Variants in LRIT3 observed in about 807,000 individuals in gnomAD.
LRIT3 encodes leucine rich repeat, Ig-like and transmembrane domains 3.
A neutral mutation model predicts 22.6 loss-of-function variants in LRIT3; 14 were observed. That is an observed-to-expected ratio of 0.62 (90% CI 0.41 to 0.97). The LOEUF (loss-of-function observed/expected upper bound fraction) is 0.97, where lower values mean the gene tolerates loss of function less well. LRIT3 is among the 50% of genes least tolerant of loss of function. LRIT3 has a pLI of 0.00. For missense variants in LRIT3, 783 were observed against 803.0 expected (o/e 0.98, Z 0.30); for synonymous variants, 306 against 304.5 (o/e 1.01, Z -0.05).
Position 109,851,520 on chromosome 4 carries a change from GA to G in LRIT3, c.134del (p.Asp45AlafsTer4). The G allele has an allele frequency of 6.5e-7, 1 of 1,543,830 alleles. No individual in the cohort carries two copies. The highest frequency in any genetic ancestry group is 1.8e-4 in the Middle Eastern group (1 of 5,506). On this transcript the variant is annotated frameshift_variant, in exon 2 of 4. Transcript: ENST00000594814. LOFTEE classifies it high-confidence loss of function. Reference protein sequence around the residue: ...GSGSRLVLCNDMDMNELPTNL... With the variant: ...GSGSRLVLCNXMDMNELPTNL... Reference sequence around the variant, plus strand: ...TGACACTAGGTTGGTGCTATGTAATGACATGGATATGAACGAGCTGCCTACG... The same window carrying G: ...TGACACTAGGTTGGTGCTATGTAATGCATGGATATGAACGAGCTGCCTACG...
At chr4:109,863,641 CT>C (rs2125900030) in intron 2 of LRIT3, among the ~76,000 whole-genome samples, 1 of 152,308 alleles carries the variant, frequency 6.6e-6, no homozygotes, top group East Asian at 1.9e-4. Context: ...GGTAAGCATG[CT>C]TACTACCCAG....
chr4:109,863,858 G>A (rs774465478), intron 2 of LRIT3, among the ~76,000 whole-genome samples: 1 of 152,166 alleles, frequency 6.6e-6, no homozygotes, highest in Non-Finnish European at 1.5e-5. Context: ...AACTGGAATA[G>A]GTTGGTCACC....
chr4:109,855,838 A>T (rs1366053783), intron 2 of LRIT3, among the ~76,000 whole-genome samples: 1 of 152,146 alleles, frequency 6.6e-6, no homozygotes, highest in Non-Finnish European at 1.5e-5. Context: ...GTTTCCATGT[A>T]GTTGAGTGGT....
intron 2 of LRIT3, among the ~76,000 whole-genome samples, chr4:109,856,918 A>T (rs917586816): frequency 3.3e-5 from 5 of 152,166 alleles, no homozygotes; most frequent in African/African-American, 1.2e-4. Context: ...GCCCATTATT[A>T]CTGCAATTAA....
At chr4:109,850,529 T>A (rs1734227597) in intron 1 of LRIT3, among the ~76,000 whole-genome samples, 1 of 150,088 alleles carries the variant, frequency 6.7e-6, no homozygotes, top group South Asian at 2.1e-4. Context: ...CAGGCTGGAG[T>A]GCAGTGGCGT....
chr4:109,854,865 G>A (rs1734362215), intron 2 of LRIT3, among the ~76,000 whole-genome samples: 1 of 152,106 alleles, frequency 6.6e-6, no homozygotes, highest in South Asian at 2.1e-4. Context: ...TTATGTGATG[G>A]ATTACATTTA....
At chr4:109,863,905 T>G (rs2125900077) in intron 2 of LRIT3, among the ~76,000 whole-genome samples, 1 of 152,330 alleles carries the variant, frequency 6.6e-6, no homozygotes, top group East Asian at 1.9e-4. Flanking sequence ...TCTGCAGTTT[T>G]GGAGAAGCAC....
chr4:109,851,828 G>A lies in LRIT3; in HGVS notation c.441G>A (p.Glu147=), dbSNP rs1560589709. The part of the protein sequence containing the change: ...HNNKITSVPN[E]ALRYLKNLAY... ...ACAAAATAACCAGTGTGCCAAATGA[G>A]GCGCTCAGGTATCTGAAGAACCTTG... is the stretch of plus-strand genomic sequence containing the variant. Residue 147 remains glutamate, a synonymous_variant, in exon 2 of 4, where the codon GAG becomes GAA. Coordinates refer to ENST00000594814, the MANE Select transcript of LRIT3 (RefSeq NM_198506.5). 2.6e-6 allele frequency: 4 copies of A among 1,551,694 alleles called. No homozygotes were observed. The highest frequency in any genetic ancestry group is 3.5e-6 in the Non-Finnish European group (4 of 1,146,992).
In LRIT3 at chr4:109,871,695, A is replaced by C. The variant is rs971849927; in HGVS notation, c.*906A>C. ...ATATTGTCTTTTGATTCTCTTGATA[A>C]AGAGAAAGCTTTTGAAATTACTTAC... On this transcript the variant is annotated 3_prime_UTR_variant, in exon 4 of 4. Coordinates refer to ENST00000594814, the MANE Select transcript of LRIT3 (RefSeq NM_198506.5). The C allele has an allele frequency of 6.6e-6, 1 of 152,136 alleles. No individual in the cohort carries two copies. The highest frequency in any genetic ancestry group is 2.4e-5 in the African/African-American group (1 of 41,432). The allele number at this position is 152,136 out of a possible 1,614,324, so 9.4% of individuals were successfully genotyped here.
intron 1 of LRIT3, among the ~76,000 whole-genome samples, chr4:109,850,773 A>G (rs1734235316): frequency 1.3e-5 from 2 of 151,898 alleles, no homozygotes; most frequent in Admixed American, 1.3e-4. Context: ...CACATTGCCC[A>G]GCTGGGACAT....
chr4:109,860,861 A>C (rs1026644877), intron 2 of LRIT3, among the ~76,000 whole-genome samples: 2 of 152,222 alleles, frequency 1.3e-5, no homozygotes, highest in African/African-American at 4.8e-5. Flanking sequence ...ATGCTGTCGC[A>C]TGTATTGGTA....
At chr4:109,861,102 C>T (rs888206014) in intron 2 of LRIT3, among the ~76,000 whole-genome samples, 2 of 152,114 alleles carry the variant, frequency 1.3e-5, no homozygotes, top group Admixed American at 6.6e-5. Context: ...GGGGCCATGG[C>T]TCACTCCTGT....
rs73839147 is a variant in LRIT3, at chr4:109,862,070, C to T, written c.590-5571C>T. ...CATTAAAAAGACGTTCCTTTCCCTA[C>T]TGAATTGTTAAACATGGTTGTCTCC... On this transcript the variant is annotated intron_variant, in intron 2 of 3. Coordinates refer to ENST00000594814, the MANE Select transcript of LRIT3 (RefSeq NM_198506.5). Among the ~76,000 whole-genome samples the T allele has an allele frequency of 7.1e-3, 1,078 of 152,314 alleles. 12 individuals are homozygous for T. Among genetic ancestry groups the T allele is most frequent in the African/African-American group, 0.024 (1,017 of 41,564 alleles).
At position 109,851,791 on chromosome 4, in the gene LRIT3, A is replaced by T. The variant is rs61740116; in HGVS notation, c.404A>T (p.Asp135Val). ...GACATGCCCCTTCTGAGGACCCTGG[A>T]CTTGCACAATAACAAAATAACCAGT... The part of the protein sequence containing the change: ...LLDMPLLRTL[D>V]LHNNKITSVP... The change falls in exon 2 of 4, where the codon GAC (aspartate) becomes GTC (valine). Residue 135 changes from aspartate (D) to valine (V), a missense_variant. This residue lies in a region of LRIT3 where 756 missense variants were observed against 753.8 expected (regional missense o/e 1.00). Transcript: ENST00000594814. 714 of 1,551,718 alleles carry T rather than the reference A, an allele frequency of 4.6e-4. 3 individuals carry two copies. In the African/African-American group the frequency reaches 8.5e-3, roughly 19 times the overall value.
Position 109,868,020 on chromosome 4 carries a change from T to A in LRIT3, c.895+74T>A, listed in dbSNP as rs577313324. 30 of 1,442,914 alleles carry A rather than the reference T, an allele frequency of 2.1e-5. No individual in the cohort carries two copies. In the East Asian group the frequency reaches 6.9e-4, roughly 33 times the overall value. The allele number at this position is 1,442,914 out of a possible 1,614,324, so 89.4% of individuals were successfully genotyped here. ...AAGTTAACATCATGTGTTGTGTGAT[T>A]TGAAATTAGCTAGTTAACACTAATA... is the stretch of plus-strand genomic sequence containing the variant. On this transcript the variant is annotated intron_variant, in intron 3 of 3. Coordinates refer to ENST00000594814, the MANE Select transcript of LRIT3 (RefSeq NM_198506.5).
In LRIT3 at chr4:109,870,233, A is replaced by G; in HGVS notation, c.1484A>G (p.Glu495Gly). Residue 495 changes from glutamate (E) to glycine (G), a missense_variant, in exon 4 of 4, where the codon GAG (glutamate) becomes GGG (glycine). Glu to Gly is a moderately conservative substitution (Grantham distance 98). Around this residue, in one of 2 missense-constraint regions of LRIT3, gnomAD observed 756 missense variants for 753.8 expected, o/e 1.00. Transcript: ENST00000594814. ...AAIENLRVVS[E>G]TKESVTLTWN... ...ATAGAAAACCTCAGGGTGGTCAGTG[A>G]GACTAAAGAGAGTGTGACATTGACG... 6.2e-7 allele frequency: 1 copy of G among 1,614,236 alleles called. No homozygotes were observed. Among genetic ancestry groups the G allele is most frequent in the African/African-American group, 1.3e-5 (1 of 75,060 alleles).
intron 2 of LRIT3, among the ~76,000 whole-genome samples, chr4:109,858,933 A>T (rs1329465278): frequency 6.6e-6 from 1 of 152,174 alleles, no homozygotes. Flanking sequence ...AATTCCCATA[A>T]CCGCAAAACA....
intron 3 of LRIT3, among the ~76,000 whole-genome samples, 191 bp from the exon 4 acceptor site, chr4:109,869,454 G>A (rs992638553): frequency 6.6e-6 from 1 of 152,124 alleles, no homozygotes; most frequent in East Asian, 1.9e-4. Context: ...ACAACACCTG[G>A]CAGGTCCTAG....
At chr4:109,861,697 CTG>C (rs1734549896) in intron 2 of LRIT3, among the ~76,000 whole-genome samples, 1 of 152,022 alleles carries the variant, frequency 6.6e-6, no homozygotes. Context: ...AGTCTTTTGT[CTG>C]TTATATGCAC....
Sources: gnomAD v4.1 joint callset for allele counts (sites outside exome capture counted in the v4.1 genomes callset) on GRCh38, gnomAD v4.1.1 for gene constraint, gnomAD v4.1.1 regional missense constraint, MANE v1.5 for transcripts, NCBI Gene and HGNC (gene_info 2026-07-23, HGNC 2026-07-21) for gene names.